Variants in ZMYM2 observed in about 807,000 individuals in gnomAD.
ZMYM2 encodes zinc finger MYM-type containing 2, also known as zinc finger MYM-type protein 2.
Under a neutral mutation model 162.8 loss-of-function variants are expected in ZMYM2, and 56 were observed. That is an observed-to-expected ratio of 0.34 (90% CI 0.28 to 0.43). The LOEUF is 0.43. ZMYM2 is among the 20% of genes least tolerant of loss of function. The probability of loss-of-function intolerance (pLI) is 1.00; values close to 1 mark genes in which losing one functional copy is unlikely to be tolerated. For synonymous variants in ZMYM2, 510 were observed against 541.6 expected, an observed-to-expected ratio of 0.94 and a Z score of 0.81; for missense variants, 1,275 against 1,621.8, an observed-to-expected ratio of 0.79 and a Z score of 3.67.
chr13:19,954,341 C>T (rs1055035274), upstream of ZMYM2, among the ~76,000 whole-genome samples: 2 of 151,500 alleles, frequency 1.3e-5, no homozygotes, highest in Non-Finnish European at 2.9e-5. Context: ...TGGTCTCGAT[C>T]TCCTGACCTT....
At chr13:19,951,527 T>TAAAAA in the ZMYM2 span, among the ~76,000 whole-genome samples, 5,239 of 76,196 alleles carry the variant, frequency 0.069, 370 homozygotes, top group South Asian at 0.089. Context: ...CCATCTCTAC[T>TAAAAA]AAAAAAAAAA....
At chr13:20,043,765 G>A (rs867019361) in intron 12 of ZMYM2, among the ~76,000 whole-genome samples, 1 of 152,252 alleles carries the variant, frequency 6.6e-6, no homozygotes, top group Admixed American at 6.5e-5. Flanking sequence ...ACACACGTGG[G>A]TGCTGGCTGG....
chr13:19,906,135 C>CAT, the ZMYM2 span, among the ~76,000 whole-genome samples: 1 of 151,200 alleles, frequency 6.6e-6, no homozygotes, highest in Non-Finnish European at 1.5e-5. Flanking sequence ...ATTAGCCGGG[C>CAT]GTGGTGGCAC....
intron 6 of ZMYM2, among the ~76,000 whole-genome samples, chr13:20,014,534 C>G (rs1421755267): frequency 1.3e-5 from 2 of 152,084 alleles, no homozygotes; most frequent in African/African-American, 2.4e-5. Context: ...TCTTGTACTA[C>G]TTTTTACTTC....
At chr13:20,082,234 C>T in intron 22 of ZMYM2, 104 bp downstream of exon 22, 1 of 883,522 alleles carries the variant, frequency 1.1e-6, no homozygotes, top group Non-Finnish European at 1.7e-6. Flanking sequence ...AATTAGATAA[C>T]ATTTTCTGAA....
chr13:19,960,569 G>C (rs539602307), intron 2 of ZMYM2, among the ~76,000 whole-genome samples: 1 of 152,136 alleles, frequency 6.6e-6, no homozygotes, highest in Non-Finnish European at 1.5e-5. Context: ...AACTCCTCTA[G>C]TACTATCTTG....
the ZMYM2 span, among the ~76,000 whole-genome samples, chr13:19,877,843 G>A: frequency 6.6e-6 from 1 of 152,128 alleles, no homozygotes; most frequent in East Asian, 1.9e-4. Context: ...GAATGATGCT[G>A]CTATAAATGT....
chr13:19,976,425 A>G (rs1048819044), intron 2 of ZMYM2, among the ~76,000 whole-genome samples: 3 of 152,140 alleles, frequency 2.0e-5, no homozygotes, highest in African/African-American at 7.2e-5. Context: ...TTGTAAAAAA[A>G]CAACATAAAA....
the ZMYM2 span, among the ~76,000 whole-genome samples, chr13:19,867,222 A>G: frequency 3.9e-5 from 6 of 151,900 alleles, no homozygotes; most frequent in African/African-American, 1.2e-4. Context: ...GCGTGGTGGC[A>G]CATGCCTGTA....
chr13:19,893,103 G>T, the ZMYM2 span, among the ~76,000 whole-genome samples: 2 of 151,330 alleles, frequency 1.3e-5, no homozygotes, highest in African/African-American at 4.9e-5. Context: ...TAATAATGTA[G>T]ATGTAATTAA....
the ZMYM2 span, among the ~76,000 whole-genome samples, chr13:19,888,259 A>G: frequency 1.3e-5 from 2 of 151,290 alleles, no homozygotes; most frequent in Admixed American, 1.3e-4. Context: ...TGTGATCACA[A>G]CTCACCGCAG....
intron 16 of ZMYM2, among the ~76,000 whole-genome samples, chr13:20,059,980 G>C (rs1032213682): frequency 3.3e-5 from 5 of 152,142 alleles, no homozygotes; most frequent in African/African-American, 1.2e-4. Flanking sequence ...GCTGCAATGA[G>C]CCGTGATTGC....
At position 19,959,970 on chromosome 13, in the gene ZMYM2, C is replaced by T. The variant is rs1203867773; in HGVS notation, c.-67C>T. ...CCTCCTATCCCAGGACCAAGAATCGCCTTCAGCCCTGTCTGGTGCATCCTT... is the reference window on the plus strand; with the variant it reads ...CCTCCTATCCCAGGACCAAGAATCGTCTTCAGCCCTGTCTGGTGCATCCTT... On this transcript the variant is annotated 5_prime_UTR_variant, in exon 2 of 25. Coordinates refer to ENST00000610343, the MANE Select transcript of ZMYM2 (RefSeq NM_197968.4). 1 of 152,298 alleles carries T rather than the reference C, an allele frequency of 6.6e-6. No homozygotes were observed. The highest frequency in any genetic ancestry group is 1.5e-5 in the Non-Finnish European group (1 of 68,090). The allele number at this position is 152,298 out of a possible 1,614,324, so 9.4% of individuals were successfully genotyped here.
At chr13:19,972,833 T>C (rs1956440806) in intron 2 of ZMYM2, among the ~76,000 whole-genome samples, 1 of 151,968 alleles carries the variant, frequency 6.6e-6, no homozygotes. Flanking sequence ...TATTATCAAA[T>C]AGCTAAATTT....
At chr13:20,006,339 T>A (rs1330306914) in intron 5 of ZMYM2, 35 bp from the exon 6 acceptor site, 2 of 1,527,900 alleles carry the variant, frequency 1.3e-6, no homozygotes, top group Non-Finnish European at 1.8e-6. Flanking sequence ...GTCAGATTGA[T>A]CTGTTTTGTA....
chr13:20,083,852 T>G, intron 24 of ZMYM2, 76 bp downstream of exon 24: 1 of 1,439,762 alleles, frequency 6.9e-7, no homozygotes, highest in Non-Finnish European at 9.4e-7. Context: ...TACCAAGAAG[T>G]GACTTTTTTA....
chr13:19,890,798 A>G, the ZMYM2 span, among the ~76,000 whole-genome samples: 196 of 151,380 alleles, frequency 1.3e-3, 3 homozygotes, highest in East Asian at 0.032. Flanking sequence ...CGTGAACCCG[A>G]GAGGCGGAGC....
chr13:20,070,046 C>T (rs1956964484), intron 21 of ZMYM2, among the ~76,000 whole-genome samples: 1 of 152,036 alleles, frequency 6.6e-6, no homozygotes, highest in African/African-American at 2.4e-5. Flanking sequence ...GTAAGACCTC[C>T]CACTTGCTTA....
rs536920201 is a variant in ZMYM2 at position 20,019,612 on chromosome 13, G to A, written c.1578G>A (p.Gln526=). The A allele has an allele frequency of 3.8e-6, 6 of 1,593,670 alleles. No individual in the cohort carries two copies. In the African/African-American group the frequency reaches 5.4e-5, roughly 14 times the overall value. ...ACATGCAGGACTCTTTCTTAATGCA[G>A]CCTGAGGTAAGCAGGAATGTAAATG... ...RDHMQDSFLM[Q]PEKYGKLTTC... The change falls in exon 7 of 25, where the codon CAG becomes CAA. Residue 526 remains glutamine (Q), a synonymous_variant. Transcript: ENST00000610343.
Sources: gnomAD v4.1 joint callset for allele counts (sites outside exome capture counted in the v4.1 genomes callset) on GRCh38, gnomAD v4.1.1 for gene constraint, MANE v1.5 for transcripts, NCBI Gene and HGNC (gene_info 2026-07-23, HGNC 2026-07-21) for gene names.